Variants in SECISBP2L observed in about 807,000 individuals in gnomAD.
SECISBP2L encodes selenocysteine insertion sequence-binding protein 2-like.
In SECISBP2L, 43 loss-of-function variants were observed where a neutral mutation model predicts 114.7. The observed-to-expected ratio is 0.38, with a 90% CI of 0.29 to 0.48. The LOEUF is 0.48. SECISBP2L is among the 20% of genes least tolerant of loss of function. SECISBP2L has a pLI of 0.98. For missense variants in SECISBP2L, 1,136 were observed against 1,301.1 expected, an observed-to-expected ratio of 0.87 and a Z score of 1.95; for synonymous variants, 451 against 439.7, an observed-to-expected ratio of 1.03 and a Z score of -0.32.
chr15:48,999,257 TAAA>T, intron 16 of SECISBP2L, among the ~76,000 whole-genome samples: 1 of 152,168 alleles, frequency 6.6e-6, no homozygotes, highest in East Asian at 1.9e-4. Flanking sequence ...TCAACTTTGT[TAAA>T]AAACAGTCTT....
At chr15:49,034,340 C>G (rs1902959899) in intron 3 of SECISBP2L, among the ~76,000 whole-genome samples, 1 of 152,068 alleles carries the variant, frequency 6.6e-6, no homozygotes, top group Non-Finnish European at 1.5e-5. Context: ...AAGGCTTCAA[C>G]TGTAAAATAG....
chr15:48,992,256 C>T lies in SECISBP2L; in HGVS notation c.3294G>A (p.Thr1098=), dbSNP rs199982398. ...GACATTTCCTGAGTTACGTAGTTTG[C>T]GTTGTGTAATTAGAATCAGAGTGCT... ...NKEHSDSNYT[T]QTT is the part of the protein sequence containing the mutation. Residue 1098 remains threonine, a synonymous_variant, in exon 18 of 18, where the codon ACG becomes ACA. Coordinates refer to ENST00000559471, the MANE Select transcript of SECISBP2L (RefSeq NM_001193489.2). 30 of 1,602,702 alleles carry T rather than the reference C, an allele frequency of 1.9e-5. No homozygotes were observed. Among genetic ancestry groups the T allele is most frequent in the Middle Eastern group, 1.7e-4 (1 of 5,974 alleles).
intron 15 of SECISBP2L, 106 bp downstream of exon 15, chr15:49,000,771 T>C: frequency 1.1e-6 from 1 of 885,668 alleles, no homozygotes; most frequent in Non-Finnish European, 1.7e-6. Flanking sequence ...TCCAATATTG[T>C]TTTATACCTA....
chr15:49,045,529 C>CACTGTTA (rs910984430), intron 1 of SECISBP2L, among the ~76,000 whole-genome samples: 22 of 152,136 alleles, frequency 1.4e-4, no homozygotes, highest in African/African-American at 5.1e-4. Context: ...TTACTTTTAA[C>CACTGTTA]ACTGTTATCA....
In SECISBP2L at chr15:48,999,916, G is replaced by A. The variant is rs376510999; in HGVS notation, c.2320C>T (p.Leu774Phe). Residue 774 changes from leucine to phenylalanine, a missense_variant, in exon 16 of 18, where the codon CTT becomes TTT. Leu to Phe is a conservative substitution (Grantham distance 22). This residue lies in a region of SECISBP2L where 684 missense variants were observed against 848.7 expected (regional missense o/e 0.81). Coordinates refer to ENST00000559471, the MANE Select transcript of SECISBP2L (RefSeq NM_001193489.2). ...CAGCGTCCTAGAGCTTTCCTTCCAAGGGCAAACACAAAAGGAATTTCTTGT... is the reference window on the plus strand; with the variant it reads ...CAGCGTCCTAGAGCTTTCCTTCCAAAGGCAAACACAAAAGGAATTTCTTGT... ...REQEIPFVFA[L>F]GRKALGRCVN... The A allele has an allele frequency of 1.2e-6, 2 of 1,613,828 alleles. No homozygotes were observed. Among genetic ancestry groups the A allele is most frequent in the African/African-American group, 2.7e-5 (2 of 74,878 alleles).
chr15:49,046,179 CG>C, intron 1 of SECISBP2L, 96 bp downstream of exon 1: 1 of 1,412,598 alleles, frequency 7.1e-7, no homozygotes, highest in East Asian at 2.7e-5. Flanking sequence ...GCCGCAGGAC[CG>C]GCCCCCGGTC....
chr15:49,035,293 G>A (rs1341496787), intron 3 of SECISBP2L, 41 bp downstream of exon 3: 1 of 1,562,194 alleles, frequency 6.4e-7, no homozygotes, highest in Admixed American at 1.8e-5. Flanking sequence ...ACTAATATAA[G>A]TAATATCAAA....
At chr15:49,015,535 T>C (rs1902519259) in intron 11 of SECISBP2L, among the ~76,000 whole-genome samples, 1 of 152,204 alleles carries the variant, frequency 6.6e-6, no homozygotes, top group South Asian at 2.1e-4. Context: ...AAATTCAATT[T>C]TGCCTCTCAA....
Position 49,019,426 on chromosome 15 carries a change from A to C in SECISBP2L, c.1162T>G (p.Tyr388Asp). Residue 388 changes from tyrosine (Y) to aspartate (D), a missense_variant, in exon 8 of 18, where the codon TAT (tyrosine) becomes GAT (aspartate). Transcript: ENST00000559471. Reference protein sequence around the residue: ...HRSDPNSESLYFEDEDGFQEL... With the variant: ...HRSDPNSESLDFEDEDGFQEL... Reference sequence around the variant, plus strand: ...GAGTTTGAAAAAAATACCTCAAAATATAAAGACTCAGAATTTGGATCGCTT... The same window carrying C: ...GAGTTTGAAAAAAATACCTCAAAATCTAAAGACTCAGAATTTGGATCGCTT... 6.9e-7 allele frequency: 1 copy of C among 1,445,328 alleles called. No individual in the cohort carries two copies. 89.5% of individuals were successfully genotyped at this position (1,445,328 alleles called of 1,614,324 possible).
intron 6 of SECISBP2L, among the ~76,000 whole-genome samples, chr15:49,027,698 T>A (rs544636606): frequency 4.9e-4 from 74 of 150,856 alleles, no homozygotes; most frequent in African/African-American, 1.8e-3. Context: ...AACCTCCGCC[T>A]CCCGGGTTCA....
intron 3 of SECISBP2L, among the ~76,000 whole-genome samples, chr15:49,034,938 T>C (rs527900170): frequency 6.6e-6 from 1 of 152,256 alleles, no homozygotes; most frequent in East Asian, 1.9e-4. Context: ...GCTGGGATTA[T>C]AGGTGTGGCC....
chr15:49,033,830 A>G (rs1264202834), intron 3 of SECISBP2L, among the ~76,000 whole-genome samples: 2 of 150,542 alleles, frequency 1.3e-5, no homozygotes, highest in Non-Finnish European at 2.9e-5. Flanking sequence ...CGACCCTGTC[A>G]ATCAATCAAT....
intron 1 of SECISBP2L, among the ~76,000 whole-genome samples, chr15:49,041,000 A>G (rs1903117685): frequency 6.6e-6 from 1 of 152,106 alleles, no homozygotes; most frequent in African/African-American, 2.4e-5. Context: ...GACTAGATAC[A>G]TTATAGAACG....
intron 9 of SECISBP2L, among the ~76,000 whole-genome samples, 153 bp downstream of exon 9, chr15:49,017,395 T>C (rs752427589): frequency 2.0e-5 from 3 of 152,238 alleles, no homozygotes; most frequent in Non-Finnish European, 4.4e-5. Context: ...CAGGCTATGC[T>C]GGAAAAGAAA....
chr15:49,027,253 T>C (rs1007390462), intron 7 of SECISBP2L, 112 bp downstream of exon 7: 4 of 652,170 alleles, frequency 6.1e-6, no homozygotes, highest in South Asian at 2.8e-5. Context: ...TTACACATGA[T>C]AGTTCACTTC....
intron 11 of SECISBP2L, among the ~76,000 whole-genome samples, chr15:49,015,401 G>A (rs1379502375): frequency 6.6e-6 from 1 of 152,098 alleles, no homozygotes; most frequent in African/African-American, 2.4e-5. Context: ...AATAACAGAG[G>A]TTGATAGTGG....
At chr15:49,035,312 C>CCAAT (rs777901366) in intron 3 of SECISBP2L, 22 bp downstream of exon 3, 18 of 1,593,176 alleles carry the variant, frequency 1.1e-5, no homozygotes, top group Non-Finnish European at 1.5e-5. Context: ...AATTTAAAAG[C>CCAAT]CAATCAAGAC....
In SECISBP2L at chr15:48,988,676, C is replaced by T; in HGVS notation, c.*3568G>A. 2 of 454,324 alleles carry T rather than the reference C, an allele frequency of 4.4e-6. No homozygotes were observed. The highest frequency in any genetic ancestry group is 3.1e-5 in the South Asian group (2 of 64,144). The allele number at this position is 454,324 out of a possible 1,614,324, so 28.1% of individuals were successfully genotyped here. ...ATCATTTTATTAGTACAGAAGAATCCCCACTAGTATTTACATAGTGCAAAA... is the reference window on the plus strand; with the variant it reads ...ATCATTTTATTAGTACAGAAGAATCTCCACTAGTATTTACATAGTGCAAAA... On this transcript the variant is annotated 3_prime_UTR_variant, in exon 18 of 18. Transcript: ENST00000559471.
At position 48,989,075 on chromosome 15, in the gene SECISBP2L, T is replaced by G. The variant is rs1901917107; in HGVS notation, c.*3169A>C. 1 of 152,270 alleles carries G rather than the reference T, an allele frequency of 6.6e-6. No individual in the cohort carries two copies. Among genetic ancestry groups the G allele is most frequent in the African/African-American group, 2.4e-5 (1 of 41,316 alleles). The allele number at this position is 152,270 out of a possible 1,614,324, so 9.4% of individuals were successfully genotyped here. A position where few individuals can be genotyped will look rare whatever the true frequency, so the allele number is the denominator to read the frequency against. On this transcript the variant is annotated 3_prime_UTR_variant, in exon 18 of 18. Transcript: ENST00000559471. Reference sequence around the variant, plus strand: ...TCAAAAAAAGATAAAAATTTTTAAATGAGTTGATGTTCTAACCTGTTGGCC... The same window carrying G: ...TCAAAAAAAGATAAAAATTTTTAAAGGAGTTGATGTTCTAACCTGTTGGCC...
Sources: allele counts gnomAD v4.1 joint callset (sites outside exome capture counted in the v4.1 genomes callset), GRCh38; gene constraint gnomAD v4.1.1; regional missense constraint gnomAD v4.1.1; transcripts MANE v1.5; gene names NCBI Gene and HGNC (gene_info 2026-07-23, HGNC 2026-07-21).